ECT2L: variants seen among roughly 807,000 people sequenced by gnomAD.
ECT2L encodes epithelial cell transforming 2 like, also known as epithelial cell-transforming sequence 2 oncogene-like.
A neutral mutation model predicts 122.8 loss-of-function variants in ECT2L; 126 were observed. That is an observed-to-expected ratio of 1.03 (90% confidence interval 0.89 to 1.19). ECT2L has a LOEUF of 1.19. Among genes scored for constraint, ECT2L ranks in the 50% most tolerant of loss-of-function variants. ECT2L has a pLI of 0.00. For missense variants in ECT2L, 1,012 were observed against 1,064.1 expected (o/e 0.95, Z 0.68); for synonymous variants, 385 against 381.8 (o/e 1.01, Z -0.10).
At chr6:138,800,604 T>G (rs1583534556) in intron 1 of ECT2L, among the ~76,000 whole-genome samples, 1 of 152,246 alleles carries the variant, frequency 6.6e-6, no homozygotes, top group Non-Finnish European at 1.5e-5. Context: ...TTTTACCATA[T>G]GACTCATTTA....
At chr6:138,818,066 T>C (rs756697951) in intron 4 of ECT2L, among the ~76,000 whole-genome samples, 3 of 152,214 alleles carry the variant, frequency 2.0e-5, no homozygotes, top group Non-Finnish European at 2.9e-5. Flanking sequence ...CTCTGCTTAG[T>C]GCCTGGTAAT....
chr6:138,901,395 G>C (rs969577598), intron 21 of ECT2L, among the ~76,000 whole-genome samples: 1 of 152,202 alleles, frequency 6.6e-6, no homozygotes, highest in Non-Finnish European at 1.5e-5. Flanking sequence ...TCCGTTCTTT[G>C]AAGCAGTGAC....
At chr6:138,883,670 C>A (rs542241151) in intron 16 of ECT2L, among the ~76,000 whole-genome samples, 50 of 152,322 alleles carry the variant, frequency 3.3e-4, no homozygotes, top group Non-Finnish European at 5.4e-4. Context: ...TGCTGGACAA[C>A]TTGATGATTC....
chr6:138,836,289 CTTT>C (rs138141444), intron 4 of ECT2L, among the ~76,000 whole-genome samples: 15 of 123,610 alleles, frequency 1.2e-4, no homozygotes, highest in Non-Finnish European at 1.2e-4. Flanking sequence ...ATTCATTAAT[CTTT>C]TTTTTTTTTT....
At chr6:138,873,810 A>C (rs1582642754) in intron 13 of ECT2L, among the ~76,000 whole-genome samples, 1 of 151,894 alleles carries the variant, frequency 6.6e-6, no homozygotes, top group African/African-American at 2.4e-5. Context: ...AATAAACAAA[A>C]CAAAAAAAAC....
chr6:138,884,219 G>A (rs913990844), intron 16 of ECT2L, among the ~76,000 whole-genome samples: 20 of 152,300 alleles, frequency 1.3e-4, no homozygotes, highest in Admixed American at 2.0e-4. Context: ...GGTCTTAGCC[G>A]AAAGTCCAGT....
intron 7 of ECT2L, among the ~76,000 whole-genome samples, chr6:138,845,669 A>G (rs73557259): frequency 2.0e-5 from 3 of 152,306 alleles, no homozygotes; most frequent in African/African-American, 7.2e-5. Context: ...TAAAACTCTA[A>G]AATTCCAGCA....
chr6:138,901,088 G>A lies in ECT2L; in HGVS notation c.2555G>A (p.Arg852Gln), dbSNP rs371621945. 101 of 1,613,920 alleles carry A rather than the reference G, an allele frequency of 6.3e-5. No individual in the cohort carries two copies. In the East Asian group the frequency reaches 9.1e-4, roughly 15 times the overall value. The change falls in exon 21 of 22, where the codon CGG (arginine) becomes CAG (glutamine). Residue 852 changes from arginine (R) to glutamine (Q), a missense_variant. Physicochemically the swap from Arg to Gln is conservative, Grantham distance 43 (BLOSUM62 1). Coordinates refer to ENST00000541398, the MANE Select transcript of ECT2L (RefSeq NM_001077706.3). ...TTCATTGCATCAGTGGCCCTTCATC[G>A]GTTACTCATAGAAAATATTCCAGAT... ...YQFIASVALH[R>Q]LLIENIPDSK...
intron 20 of ECT2L, among the ~76,000 whole-genome samples, chr6:138,890,371 G>A (rs1421602630): frequency 1.3e-5 from 2 of 152,058 alleles, no homozygotes; most frequent in Admixed American, 6.6e-5. Flanking sequence ...CAGGGTAGCA[G>A]GGTAGGTGGA....
chr6:138,859,995 T>A (rs569816411), intron 10 of ECT2L, among the ~76,000 whole-genome samples: 3 of 152,144 alleles, frequency 2.0e-5, no homozygotes, highest in African/African-American at 7.2e-5. Context: ...GCTAATTTTT[T>A]AATATTTTTA....
At chr6:138,898,802 G>A (rs1482913986) in intron 20 of ECT2L, among the ~76,000 whole-genome samples, 2 of 152,064 alleles carry the variant, frequency 1.3e-5, no homozygotes, top group East Asian at 3.8e-4. Flanking sequence ...TTATCCATGA[G>A]AATACCTTTC....
intron 9 of ECT2L, among the ~76,000 whole-genome samples, chr6:138,851,341 C>A (rs1488853595): frequency 6.6e-6 from 1 of 151,944 alleles, no homozygotes; most frequent in African/African-American, 2.4e-5. Flanking sequence ...ACCATCATAT[C>A]CAGCTAATTT....
At chr6:138,885,098 G>C (rs552791223) in intron 16 of ECT2L, among the ~76,000 whole-genome samples, 1 of 136,444 alleles carries the variant, frequency 7.3e-6, no homozygotes, top group South Asian at 2.3e-4. Flanking sequence ...GCGCTATCTT[G>C]GATCACTGCA....
intron 4 of ECT2L, among the ~76,000 whole-genome samples, chr6:138,820,575 T>C (rs981503598): frequency 1.3e-5 from 2 of 152,172 alleles, no homozygotes; most frequent in Admixed American, 1.3e-4. Flanking sequence ...AAATGGTCCA[T>C]AACAGTCCAT....
At chr6:138,882,994 C>T in intron 16 of ECT2L, 123 bp downstream of exon 16, 1 of 1,057,950 alleles carries the variant, frequency 9.5e-7, no homozygotes, top group South Asian at 1.7e-5. Context: ...GCTGTCTTCC[C>T]ATACTGTGTG....
intron 4 of ECT2L, among the ~76,000 whole-genome samples, chr6:138,828,573 C>T (rs541061642): frequency 2.5e-4 from 38 of 152,318 alleles, no homozygotes; most frequent in Non-Finnish European, 5.1e-4. Context: ...CTGCCATTGA[C>T]AATCTTCCCG....
chr6:138,877,920 A>AT (rs1778507997), intron 14 of ECT2L, among the ~76,000 whole-genome samples: 2 of 152,236 alleles, frequency 1.3e-5, no homozygotes, highest in African/African-American at 4.8e-5. Flanking sequence ...CTGTCTCAAA[A>AT]TAAAAAATGT....
At chr6:138,799,583 C>T (rs977233761) in intron 1 of ECT2L, among the ~76,000 whole-genome samples, 2 of 151,868 alleles carry the variant, frequency 1.3e-5, no homozygotes, top group Non-Finnish European at 2.9e-5. Context: ...GTCAGGGTCT[C>T]ACTGTATCGC....
At chr6:138,849,678 C>A (rs1777363125) in intron 9 of ECT2L, among the ~76,000 whole-genome samples, 1 of 151,428 alleles carries the variant, frequency 6.6e-6, no homozygotes. Context: ...AAGTGATCTA[C>A]CCACCTCAGC....
Sources: gnomAD v4.1 joint callset for allele counts (sites outside exome capture counted in the v4.1 genomes callset) on GRCh38, gnomAD v4.1.1 for gene constraint, MANE v1.5 for transcripts, NCBI Gene and HGNC (gene_info 2026-07-23, HGNC 2026-07-21) for gene names.